GALNT16: variants seen among roughly 807,000 people sequenced by gnomAD.
GALNT16 encodes polypeptide N-acetylgalactosaminyltransferase 16, also known as UDP-GalNAc:polypeptide N-acetylgalactosaminyltransferase-like protein 1.
Under a neutral mutation model 76.1 loss-of-function variants are expected in GALNT16, and 40 were observed. The ratio of observed to expected loss-of-function variants is 0.53; its 90% confidence interval spans 0.41 to 0.68. The LOEUF (loss-of-function observed/expected upper bound fraction) is 0.68, where lower values mean the gene tolerates loss of function less well. Among genes scored for constraint, GALNT16 ranks in the 30% least tolerant of loss-of-function variants. The pLI is 0.00. For missense variants in GALNT16, 621 were observed against 731.9 expected, an observed-to-expected ratio of 0.85 and a Z score of 1.75; for synonymous variants, 276 against 285.2, an observed-to-expected ratio of 0.97 and a Z score of 0.32.
chr14:69,267,012 G>A lies in GALNT16; in HGVS notation c.177+6545G>A, dbSNP rs563402162. Among the ~76,000 whole-genome samples the A allele has an allele frequency of 3.9e-5, 6 of 152,332 alleles. No individual in the cohort carries two copies. In the South Asian group the frequency reaches 1.2e-3, roughly 32 times the overall value. On this transcript the variant is annotated intron_variant, in intron 1 of 14. Transcript: ENST00000448469. The stretch of plus-strand genomic sequence containing the variant: ...TGCATAGGTGTTTCTGCCTGGTGGA[G>A]GCACCTTGAGTCTGACCTTCCCATA...
chr14:69,364,371 A>C, the GALNT16 span, among the ~76,000 whole-genome samples: 1 of 152,256 alleles, frequency 6.6e-6, no homozygotes, highest in Non-Finnish European at 1.5e-5. The surrounding 1 kb of genome is among the most constrained non-coding windows in gnomAD (Gnocchi z 4.2). Flanking sequence ...CAGACAATGA[A>C]TGTGAGAACA....
the GALNT16 span, among the ~76,000 whole-genome samples, chr14:69,376,544 G>A: frequency 6.6e-6 from 1 of 151,918 alleles, no homozygotes; most frequent in Admixed American, 6.6e-5. Context: ...GTAATACATT[G>A]CACCATTATG....
At chr14:69,331,165 C>T (rs923214416) in intron 6 of GALNT16, among the ~76,000 whole-genome samples, 8 of 152,202 alleles carry the variant, frequency 5.3e-5, no homozygotes, top group African/African-American at 1.9e-4. Context: ...ATCCTTCAGC[C>T]TGCAGCAGTC....
intron 1 of GALNT16, among the ~76,000 whole-genome samples, chr14:69,315,829 T>C (rs887555083): frequency 6.6e-6 from 1 of 151,990 alleles, no homozygotes; most frequent in Non-Finnish European, 1.5e-5. Flanking sequence ...AATATGTAGG[T>C]AGGTAGGTAG....
chr14:69,289,101 C>T (rs573953084), intron 1 of GALNT16, among the ~76,000 whole-genome samples: 11 of 152,210 alleles, frequency 7.2e-5, no homozygotes, highest in African/African-American at 2.6e-4. Flanking sequence ...TGGTCTCAAA[C>T]GCTTGGCCTG....
At chr14:69,263,857 G>T (rs971307198) in intron 1 of GALNT16, among the ~76,000 whole-genome samples, 1 of 152,206 alleles carries the variant, frequency 6.6e-6, no homozygotes, top group Non-Finnish European at 1.5e-5. Flanking sequence ...GGCTGCTTAC[G>T]ATGCGGCAAG....
chr14:69,284,899 T>C (rs2044590370), intron 1 of GALNT16, among the ~76,000 whole-genome samples: 1 of 152,072 alleles, frequency 6.6e-6, no homozygotes, highest in African/African-American at 2.4e-5. Flanking sequence ...TGCTCGGCCC[T>C]TCTCTCTCCT....
the GALNT16 span, among the ~76,000 whole-genome samples, chr14:69,378,543 GCT>G: frequency 8.7e-3 from 1,323 of 152,212 alleles, 26 homozygotes; most frequent in African/African-American, 0.031. Flanking sequence ...GCTACTTTAG[GCT>G]CTTTTTCTGT....
At chr14:69,298,427 G>A (rs532257092) in intron 1 of GALNT16, 1 of 152,462 alleles carries the variant, frequency 6.6e-6, no homozygotes, top group African/African-American at 2.4e-5. Flanking sequence ...CCTCTGGCGG[G>A]AGTCATCTCA....
chr14:69,339,416 T>G, intron 10 of GALNT16, 111 bp from the exon 11 acceptor site: 1 of 753,082 alleles, frequency 1.3e-6, no homozygotes. Flanking sequence ...AGTATCACCT[T>G]GCTCCTGAGA....
chr14:69,323,729 G>T (rs1049776468), intron 2 of GALNT16, among the ~76,000 whole-genome samples: 2 of 152,214 alleles, frequency 1.3e-5, no homozygotes, highest in South Asian at 2.1e-4. Flanking sequence ...CCCCAGGGGG[G>T]TCCCAGGCTA....
intron 1 of GALNT16, among the ~76,000 whole-genome samples, chr14:69,303,321 G>A (rs2044880802): frequency 6.6e-6 from 1 of 152,146 alleles, no homozygotes; most frequent in South Asian, 2.1e-4. Flanking sequence ...CAAAGGGAGG[G>A]GCTGGTTAGC....
chr14:69,333,180 C>T lies in GALNT16; in HGVS notation c.863+11C>T, dbSNP rs768488645. On this transcript the variant is annotated intron_variant, in intron 8 of 14. Coordinates refer to ENST00000448469, the MANE Select transcript of GALNT16 (RefSeq NM_001168368.2). The surrounding 1 kb of genome is among the most constrained non-coding windows in gnomAD (Gnocchi z 4.2). ...CACCAGGCCCATAAGGTCAGAGCTG[C>T]GGTGGGCTCTGGGGGACCCCTTCCT... The T allele has an allele frequency of 3.6e-5, 56 of 1,567,692 alleles. No homozygotes were observed. The East Asian group carries it at 4.3e-4, about 12-fold the overall frequency.
Position 69,344,164 on chromosome 14 carries a change from C to T in GALNT16, c.1271+2400C>T, listed in dbSNP as rs548742738. 5.3e-5 allele frequency among the ~76,000 whole-genome samples: 8 copies of T among 152,316 alleles called. 1 individual carries two copies. In the South Asian group the frequency reaches 1.7e-3, roughly 32 times the overall value. ...AGACCGAGGAGGCTGAAAGAAGAGG[C>T]TTTTGCTTTCCTAGGCCTGCCGTGG... is the stretch of plus-strand genomic sequence containing the variant. On this transcript the variant is annotated intron_variant, in intron 12 of 14. Transcript: ENST00000448469.
At chr14:69,304,719 A>C (rs1365881481) in intron 1 of GALNT16, among the ~76,000 whole-genome samples, 1 of 152,190 alleles carries the variant, frequency 6.6e-6, no homozygotes, top group Non-Finnish European at 1.5e-5. Context: ...GGAATCATGC[A>C]GTATTTGTCT....
At chr14:69,335,793 A>G (rs1273995035) in intron 9 of GALNT16, among the ~76,000 whole-genome samples, 1 of 152,030 alleles carries the variant, frequency 6.6e-6, no homozygotes, top group Non-Finnish European at 1.5e-5. Flanking sequence ...TCCTTTATTG[A>G]AGGAAGGGAG....
Position 69,333,532 on chromosome 14 carries a change from A to G in GALNT16, c.899A>G (p.Asp300Gly). The change falls in exon 9 of 15, where the codon GAC becomes GGC. Residue 300 changes from aspartate to glycine, a missense_variant. Physicochemically the swap from Asp to Gly is moderately conservative, Grantham distance 94. Coordinates refer to ENST00000448469, the MANE Select transcript of GALNT16 (RefSeq NM_001168368.2). The surrounding 1 kb of genome is among the most constrained non-coding windows in gnomAD (Gnocchi z 4.2). ...PVIAGGIFVI[D>G]KSWFNHLGKY... ...ATAGCTGGAGGAATCTTCGTGATCG[A>G]CAAGTCCTGGTTTAACCACTTGGGA... 2 of 1,611,570 alleles carry G rather than the reference A, an allele frequency of 1.2e-6. No homozygotes were observed. The highest frequency in any genetic ancestry group is 1.1e-5 in the South Asian group (1 of 90,868).
At position 69,261,805 on chromosome 14, in the gene GALNT16, G is replaced by A. The variant is rs997443499; in HGVS notation, c.177+1338G>A. Among the ~76,000 whole-genome samples, 4 of 151,962 alleles carry A rather than the reference G, an allele frequency of 2.6e-5. No homozygotes were observed. Among genetic ancestry groups the A allele is most frequent in the Non-Finnish European group, 4.4e-5 (3 of 67,984 alleles). On this transcript the variant is annotated intron_variant, in intron 1 of 14. Coordinates refer to ENST00000448469, the MANE Select transcript of GALNT16 (RefSeq NM_001168368.2). The surrounding 1 kb of genome is among the most constrained non-coding windows in gnomAD (Gnocchi z 6.4). ...GGCTTTGCCTGAGGAGACCTGGGGC[G>A]GGGGGGTGAGGTTGTGGGTTTTGTC...
At chr14:69,349,120 T>A (rs1566891159) in intron 14 of GALNT16, 1 of 152,280 alleles carries the variant, frequency 6.6e-6, no homozygotes. Flanking sequence ...GTCTGAGGGA[T>A]CTGTGTGCCC....
Sources: gnomAD v4.1 joint callset for allele counts (sites outside exome capture counted in the v4.1 genomes callset) on GRCh38, gnomAD v4.1.1 for gene constraint, Gnocchi (gnomAD v3.1) non-coding constraint, MANE v1.5 for transcripts, NCBI Gene and HGNC (gene_info 2026-07-23, HGNC 2026-07-21) for gene names.